Variants in DNAH17 observed in about 807,000 individuals in gnomAD.
DNAH17 encodes the protein axonemal beta dynein heavy chain 17.
DNAH17 carries 376 observed loss-of-function variants against 485.6 expected under a neutral mutation model. The observed-to-expected ratio is 0.77, with a 90% CI of 0.71 to 0.84. The LOEUF is 0.84. Among genes scored for constraint, DNAH17 ranks in the 40% least tolerant of loss-of-function variants. DNAH17 has a pLI of 0.00. For missense variants in DNAH17, 6,370 were observed against 5,839.3 expected, an observed-to-expected ratio of 1.09 and a Z score of -2.96; for synonymous variants, 3,031 against 2,405.9, an observed-to-expected ratio of 1.26 and a Z score of -7.60.
At chr17:78,470,820 T>G (rs1428885482) in intron 54 of DNAH17, among the ~76,000 whole-genome samples, 1 of 152,218 alleles carries the variant, frequency 6.6e-6, no homozygotes, top group East Asian at 1.9e-4. Context: ...TACTGCAGGC[T>G]TGGACTGGGA....
intron 25 of DNAH17, among the ~76,000 whole-genome samples, chr17:78,517,481 G>A (rs74477911): frequency 0.045 from 6,826 of 152,316 alleles, 205 homozygotes; most frequent in Non-Finnish European, 0.057. Context: ...TTGGGAAAAA[G>A]AGGCCCTGTG....
Position 78,454,646 on chromosome 17 carries a change from G to T in DNAH17, c.10230C>A (p.Asp3410Glu). Residue 3410 changes from aspartate to glutamate, a missense_variant, in exon 64 of 81, where the codon GAC (aspartate) becomes GAA (glutamate). Physicochemically the swap from Asp to Glu is conservative, Grantham distance 45. Transcript: ENST00000389840. ...GGCCCTGGTTGTTCCAGGTGGCCAC[G>T]TCCGCGTCATCTGTCAGCAGGCTCA... ...DPLSLLTDDA[D>E]VATWNNQGLP... 1 of 1,613,100 alleles carries T rather than the reference G, an allele frequency of 6.2e-7. No individual in the cohort carries two copies. The highest frequency in any genetic ancestry group is 1.7e-5 in the Admixed American group (1 of 60,020).
At chr17:78,544,053 G>A (rs1040269823) in intron 16 of DNAH17, 56 bp from the exon 17 acceptor site, 17 of 1,609,532 alleles carry the variant, frequency 1.1e-5, no homozygotes, top group African/African-American at 2.7e-5. Flanking sequence ...GCTTTCAGTC[G>A]CAGTCCTTTG....
At chr17:78,482,687 C>T (rs1032231573) in intron 48 of DNAH17, among the ~76,000 whole-genome samples, 12 of 152,164 alleles carry the variant, frequency 7.9e-5, no homozygotes, top group African/African-American at 2.9e-4. Flanking sequence ...CCCACGGGCC[C>T]CACCCTTGTC....
chr17:78,453,658 C>G (rs189895190), intron 64 of DNAH17, among the ~76,000 whole-genome samples, 193 bp from the exon 65 acceptor site: 1 of 152,342 alleles, frequency 6.6e-6, no homozygotes, highest in African/African-American at 2.4e-5. Flanking sequence ...AAACTGCCCC[C>G]GTGCTCTTAT....
At chr17:78,448,524 C>T (rs2087410248) in intron 69 of DNAH17, among the ~76,000 whole-genome samples, 1 of 152,052 alleles carries the variant, frequency 6.6e-6, no homozygotes, top group South Asian at 2.1e-4. Context: ...GAGATTGTCT[C>T]AAAATAGCAG....
intron 74 of DNAH17, 136 bp from the exon 75 acceptor site, chr17:78,434,356 G>A: frequency 1.3e-6 from 1 of 753,122 alleles, no homozygotes; most frequent in Non-Finnish European, 2.1e-6. Flanking sequence ...AAAGCTGTGG[G>A]CTGTGCAGGT....
chr17:78,427,210 G>A (rs765170521), intron 77 of DNAH17, 102 bp from the exon 78 acceptor site: 15 of 1,234,720 alleles, frequency 1.2e-5, no homozygotes, highest in South Asian at 2.7e-5. Flanking sequence ...CCCAAGTCCT[G>A]GAGAGGAGGG....
intron 62 of DNAH17, among the ~76,000 whole-genome samples, chr17:78,457,128 T>G (rs750879660): frequency 6.6e-6 from 1 of 152,224 alleles, no homozygotes; most frequent in African/African-American, 2.4e-5. Flanking sequence ...CCCAGCACTT[T>G]GGGAGGCCGA....
At chr17:78,530,771 C>A (rs1039382360) in intron 20 of DNAH17, among the ~76,000 whole-genome samples, 40 of 152,198 alleles carry the variant, frequency 2.6e-4, no homozygotes, top group Non-Finnish European at 1.0e-4. Flanking sequence ...GGCAGCAGGA[C>A]TTCTGAAGCT....
rs192298598 is a variant in DNAH17, at chr17:78,528,682, G to A, written c.3507+790C>T. On this transcript the variant is annotated intron_variant, in intron 22 of 80. Transcript: ENST00000389840. ...GTCTCCTCGGTGGCCACACCTAGAC[G>A]TGGCTGGGAGGCAGCTCTAGGACAC... Among the ~76,000 whole-genome samples the A allele has an allele frequency of 2.7e-3, 411 of 152,130 alleles. 5 individuals are homozygous for A. Among genetic ancestry groups the A allele is most frequent in the Non-Finnish European group, 8.5e-4 (58 of 67,990 alleles).
rs757660001 is a variant in DNAH17, at chr17:78,472,710, C to T, written c.8511+2568G>A. On this transcript the variant is annotated intron_variant, in intron 54 of 80. Transcript: ENST00000389840. ...CCAGCCGAGTCCCCGAGGTCACGCACGCTGTCTCGGCAGGCACAGCCCTCG... is the reference window on the plus strand; with the variant it reads ...CCAGCCGAGTCCCCGAGGTCACGCATGCTGTCTCGGCAGGCACAGCCCTCG... 27 of 455,236 alleles carry T rather than the reference C, an allele frequency of 5.9e-5. No individual in the cohort carries two copies. The East Asian group carries it at 9.8e-4, about 17-fold the overall frequency. The allele number at this position is 455,236 out of a possible 1,614,324, so 28.2% of individuals were successfully genotyped here.
At chr17:78,538,900 C>T (rs762421213) in intron 18 of DNAH17, among the ~76,000 whole-genome samples, 41 of 152,140 alleles carry the variant, frequency 2.7e-4, no homozygotes, top group Non-Finnish European at 5.0e-4. Flanking sequence ...ATCTTGGCCT[C>T]CTGGCGGTAC....
At chr17:78,430,432 G>A (rs575848833) in intron 75 of DNAH17, among the ~76,000 whole-genome samples, 42 of 152,284 alleles carry the variant, frequency 2.8e-4, no homozygotes, top group African/African-American at 9.9e-4. Flanking sequence ...CCTGAAGGGC[G>A]AGGCAGATGT....
At chr17:78,467,819 A>G (rs1195362613) in intron 55 of DNAH17, among the ~76,000 whole-genome samples, 1 of 152,140 alleles carries the variant, frequency 6.6e-6, no homozygotes, top group Non-Finnish European at 1.5e-5. Context: ...GGAGTTCAAG[A>G]CCAGCCTGGC....
chr17:78,528,554 T>C (rs1042449578), intron 22 of DNAH17, among the ~76,000 whole-genome samples: 12 of 151,874 alleles, frequency 7.9e-5, no homozygotes, highest in Non-Finnish European at 1.6e-4. Flanking sequence ...GGGTGGGCCC[T>C]GTCTGTGGCT....
intron 29 of DNAH17, among the ~76,000 whole-genome samples, chr17:78,507,056 A>G (rs994318123): frequency 3.3e-5 from 5 of 152,258 alleles, no homozygotes; most frequent in Middle Eastern, 6.8e-3. Flanking sequence ...AGGGAGCATC[A>G]TTTATTCTCC....
In DNAH17 at chr17:78,572,768, C is replaced by T. The variant is rs2092378652; in HGVS notation, c.472G>A (p.Gly158Ser). 6.2e-7 allele frequency: 1 copy of T among 1,613,582 alleles called. No individual in the cohort carries two copies. Among genetic ancestry groups the T allele is most frequent in the Non-Finnish European group, 8.5e-7 (1 of 1,179,766 alleles). ...EMFVMSGKIK[G>S]KTLLPIPEHL... ...TCCGGAATAGGCAGCAAGGTTTTGC[C>T]TTTGATCTTGCCACTCATCACAAAC... Residue 158 changes from glycine (G) to serine (S), a missense_variant, in exon 3 of 81, where the codon GGC (glycine) becomes AGC (serine). By Grantham distance (56) the Gly-to-Ser change is moderately conservative. Transcript: ENST00000389840.
At chr17:78,482,420 C>T (rs1054850350) in intron 48 of DNAH17, among the ~76,000 whole-genome samples, 1 of 152,224 alleles carries the variant, frequency 6.6e-6, no homozygotes, top group African/African-American at 2.4e-5. Flanking sequence ...TATTAATCCA[C>T]TGTCAATTTT....
Sources: allele counts gnomAD v4.1 joint callset (sites outside exome capture counted in the v4.1 genomes callset), GRCh38; gene constraint gnomAD v4.1.1; transcripts MANE v1.5; gene names NCBI Gene and HGNC (gene_info 2026-07-23, HGNC 2026-07-21).